NCAM2: variants seen among roughly 807,000 people sequenced by gnomAD.
The protein encoded by NCAM2 is neural cell adhesion molecule 2.
In NCAM2, 30 loss-of-function variants were observed where a neutral mutation model predicts 98.1. The ratio of observed to expected loss-of-function variants is 0.31; its 90% CI spans 0.23 to 0.41. The LOEUF is 0.41. Ranked by LOEUF, NCAM2 falls within the 10% of genes least tolerant of loss-of-function variation. NCAM2 has a pLI of 1.00. For synonymous variants in NCAM2, 368 were observed against 342.4 expected (o/e 1.07, Z -0.83); for missense variants, 867 against 1,005.8 (o/e 0.86, Z 1.87).
intron 1 of NCAM2, among the ~76,000 whole-genome samples, chr21:21,264,961 G>GTGTATGTTTA (rs1568854824): frequency 3.5e-5 from 1 of 28,418 alleles, no homozygotes; most frequent in Non-Finnish European, 6.4e-5. Flanking sequence ...ATGTGTATGT[G>GTGTATGTTTA]TATATATACA....
intron 16 of NCAM2, among the ~76,000 whole-genome samples, chr21:21,527,484 T>C (rs1375032733): frequency 6.6e-6 from 1 of 152,140 alleles, no homozygotes; most frequent in Non-Finnish European, 1.5e-5. Flanking sequence ...ATATGATGTA[T>C]ACAAATAATT....
intron 9 of NCAM2, among the ~76,000 whole-genome samples, chr21:21,401,206 C>A (rs1221653732): frequency 6.6e-6 from 1 of 152,094 alleles, no homozygotes; most frequent in East Asian, 1.9e-4. Context: ...CATCTCCAGA[C>A]CTTTTTAATT....
At chr21:21,131,327 C>A (rs1020665535) in intron 1 of NCAM2, among the ~76,000 whole-genome samples, 9 of 151,676 alleles carry the variant, frequency 5.9e-5, no homozygotes, top group African/African-American at 2.2e-4. Flanking sequence ...AGGCTGAAGT[C>A]CAATGGCATG....
chr21:21,016,209 G>A (rs2064305956), intron 1 of NCAM2, among the ~76,000 whole-genome samples: 1 of 152,066 alleles, frequency 6.6e-6, no homozygotes, highest in Admixed American at 6.5e-5. Context: ...TGCCTCCCTC[G>A]AAGTACATGA....
chr21:21,194,977 G>T (rs1453852461), intron 1 of NCAM2, among the ~76,000 whole-genome samples: 1 of 152,030 alleles, frequency 6.6e-6, no homozygotes, highest in African/African-American at 2.4e-5. Flanking sequence ...AATTTTTTAT[G>T]ATCTGTATAT....
chr21:21,052,108 T>G (rs1299722637), intron 1 of NCAM2, among the ~76,000 whole-genome samples: 2 of 151,100 alleles, frequency 1.3e-5, no homozygotes, highest in Non-Finnish European at 2.9e-5. Flanking sequence ...TTAACCAGGA[T>G]TTTCGTAAGC....
chr21:21,516,594 G>A (rs750548882), intron 16 of NCAM2, among the ~76,000 whole-genome samples: 1 of 151,816 alleles, frequency 6.6e-6, no homozygotes, highest in Non-Finnish European at 1.5e-5. Flanking sequence ...GTATACCAGT[G>A]TTTTTTTCTC....
chr21:21,152,147 C>T (rs1005970491), intron 1 of NCAM2, among the ~76,000 whole-genome samples: 1 of 151,860 alleles, frequency 6.6e-6, no homozygotes, highest in African/African-American at 2.4e-5. Flanking sequence ...ATTTTTTTCT[C>T]TCCATGTTTC....
At chr21:21,090,759 C>T (rs1348307137) in intron 1 of NCAM2, among the ~76,000 whole-genome samples, 1 of 152,208 alleles carries the variant, frequency 6.6e-6, no homozygotes, top group Non-Finnish European at 1.5e-5. Context: ...CCAGCCACCC[C>T]TGCAAGCTTG....
chr21:21,541,090 TTAAA>T lies in NCAM2; in HGVS notation c.*3136_*3139del, dbSNP rs1455517198. The T allele has an allele frequency of 6.6e-6, 1 of 151,378 alleles. No homozygotes were observed. Among genetic ancestry groups the T allele is most frequent in the Non-Finnish European group, 1.5e-5 (1 of 67,630 alleles). 9.4% of individuals were successfully genotyped at this position (151,378 alleles called of 1,614,324 possible). A position where few individuals can be genotyped will look rare whatever the true frequency, so the allele number is the denominator to read the frequency against. On this transcript the variant is annotated 3_prime_UTR_variant, in exon 18 of 18. Transcript: ENST00000400546. ...CTTCATATGGATCTTAGTCTTTGAA[TTAAA>T]TATTTATATAAATAGATTTTATTAA... is the stretch of plus-strand genomic sequence containing the variant.
At chr21:21,237,095 T>C (rs1601727253) in intron 1 of NCAM2, among the ~76,000 whole-genome samples, 1 of 152,190 alleles carries the variant, frequency 6.6e-6, no homozygotes, top group Non-Finnish European at 1.5e-5. Flanking sequence ...TGATTGATAT[T>C]TAATCCTATT....
intron 9 of NCAM2, among the ~76,000 whole-genome samples, chr21:21,379,398 A>G (rs1318194792): frequency 6.6e-6 from 1 of 152,102 alleles, no homozygotes; most frequent in Non-Finnish European, 1.5e-5. Flanking sequence ...AGAATCACAT[A>G]ACTCCAGATT....
At chr21:21,394,942 A>C (rs545905945) in intron 9 of NCAM2, among the ~76,000 whole-genome samples, 2 of 152,124 alleles carry the variant, frequency 1.3e-5, no homozygotes, top group Non-Finnish European at 2.9e-5. Flanking sequence ...GTTTTCATTC[A>C]TCCATTTTAC....
intron 1 of NCAM2, among the ~76,000 whole-genome samples, chr21:21,043,747 C>T (rs542698946): frequency 4.7e-5 from 7 of 149,430 alleles, no homozygotes; most frequent in Admixed American, 4.0e-4. Flanking sequence ...CCCAGCTACT[C>T]GGTAGGCGTG....
chr21:21,423,872 G>A (rs2077162353), intron 11 of NCAM2, among the ~76,000 whole-genome samples: 1 of 152,094 alleles, frequency 6.6e-6, no homozygotes, highest in Non-Finnish European at 1.5e-5. Flanking sequence ...GCCTGTATAA[G>A]TCATCCTTGA....
intron 1 of NCAM2, among the ~76,000 whole-genome samples, chr21:21,166,770 A>G (rs2067965595): frequency 6.6e-6 from 1 of 152,146 alleles, no homozygotes; most frequent in Admixed American, 6.5e-5. Context: ...CTCTAGGTTT[A>G]CCAGATTTTT....
chr21:21,283,626 C>A (rs938345012), intron 2 of NCAM2, among the ~76,000 whole-genome samples: 1 of 151,798 alleles, frequency 6.6e-6, no homozygotes, highest in Admixed American at 6.6e-5. Flanking sequence ...ATTATAAAAA[C>A]GGTCGTTGGC....
chr21:21,332,578 C>T (rs1375493188), intron 6 of NCAM2, among the ~76,000 whole-genome samples: 1 of 152,150 alleles, frequency 6.6e-6, no homozygotes. Flanking sequence ...GGTGTACACT[C>T]ATTGATCAAT....
chr21:21,381,386 G>GT (rs71195325), intron 9 of NCAM2, among the ~76,000 whole-genome samples: 56,094 of 151,360 alleles, frequency 0.37, 10,628 homozygotes, highest in East Asian at 0.58. Context: ...TTTATATTCT[G>GT]TTTTTTTTCC....
Sources: allele counts gnomAD v4.1 joint callset (sites outside exome capture counted in the v4.1 genomes callset), GRCh38; gene constraint gnomAD v4.1.1; transcripts MANE v1.5; gene names NCBI Gene and HGNC (gene_info 2026-07-23, HGNC 2026-07-21).